The following TIAM2 variants were observed in gnomAD, a reference collection of about 807,000 sequenced individuals.
The protein encoded by TIAM2 is rho guanine nucleotide exchange factor TIAM2.
TIAM2 carries 80 observed loss-of-function variants against 152.9 expected under a neutral mutation model. The observed-to-expected ratio is 0.52, with a 90% CI of 0.44 to 0.63. The LOEUF is 0.63. TIAM2 is among the 30% of genes least tolerant of loss of function. TIAM2 has a pLI of 0.00. For synonymous variants in TIAM2, 804 were observed against 838.0 expected, an observed-to-expected ratio of 0.96 and a Z score of 0.70; for missense variants, 1,965 against 2,120.1, an observed-to-expected ratio of 0.93 and a Z score of 1.44.
chr6:155,091,285 TC>T (rs1778299082), intron 2 of TIAM2, among the ~76,000 whole-genome samples: 1 of 152,202 alleles, frequency 6.6e-6, no homozygotes, highest in Admixed American at 6.5e-5. Context: ...TATTTATGTA[TC>T]GGCTTGTTGT....
At chr6:155,035,465 C>T (rs1776905655) in intron 1 of TIAM2, among the ~76,000 whole-genome samples, 1 of 152,086 alleles carries the variant, frequency 6.6e-6, no homozygotes, top group South Asian at 2.1e-4. Flanking sequence ...AGACGATCCA[C>T]CCGTTTTAGC....
intron 21 of TIAM2, 200 bp from the exon 22 acceptor site, chr6:155,250,713 T>C (rs1002115136): frequency 1.0e-5 from 13 of 1,267,148 alleles, no homozygotes; most frequent in Non-Finnish European, 1.4e-5. Flanking sequence ...TTCACCTTTA[T>C]GTTATTCATC....
intron 7 of TIAM2, among the ~76,000 whole-genome samples, chr6:155,159,655 T>C (rs530074912): frequency 1.3e-5 from 2 of 152,270 alleles, no homozygotes; most frequent in Admixed American, 6.5e-5. Flanking sequence ...CTTGTACCTC[T>C]TCTTCCCTCT....
At chr6:155,135,010 T>C (rs935717401) in intron 4 of TIAM2, among the ~76,000 whole-genome samples, 3 of 149,036 alleles carry the variant, frequency 2.0e-5, no homozygotes, top group African/African-American at 7.4e-5. Context: ...CAGCCAGGAG[T>C]TTTTGAAAAG....
intron 1 of TIAM2, among the ~76,000 whole-genome samples, chr6:155,065,587 G>A (rs972476719): frequency 6.6e-6 from 1 of 152,004 alleles, no homozygotes; most frequent in Non-Finnish European, 1.5e-5. Context: ...AGACCAGCCT[G>A]GCCAACGTGG....
chr6:155,176,844 C>A lies in TIAM2; in HGVS notation c.2390C>A (p.Ser797Ter). The change falls in exon 10 of 27, where the codon TCA becomes TAA. Residue 797 changes from serine (S) to a stop codon, truncating the protein, a stop_gained. Coordinates refer to ENST00000682666, the MANE Select transcript of TIAM2 (RefSeq NM_012454.4). LOFTEE classifies it high-confidence loss of function. ...GATGAACTTCTGCATATATATGGTTCAACAGTAGACGGTGTTCCCCGAGAC... is the reference window on the plus strand; with the variant it reads ...GATGAACTTCTGCATATATATGGTTAAACAGTAGACGGTGTTCCCCGAGAC... ...QVDELLHIYG[S>*]TVDGVPRDNA... The A allele has an allele frequency of 6.2e-7, 1 of 1,613,546 alleles. No individual in the cohort carries two copies. The highest frequency in any genetic ancestry group is 1.1e-5 in the South Asian group (1 of 90,988).
chr6:155,147,996 G>T, intron 6 of TIAM2, 114 bp from the exon 7 acceptor site: 1 of 984,496 alleles, frequency 1.0e-6, no homozygotes, highest in Non-Finnish European at 1.6e-6. Context: ...TAAGCAGCTT[G>T]TATGCAGTGC....
chr6:155,122,621 A>G (rs1247122268), intron 2 of TIAM2, among the ~76,000 whole-genome samples: 1 of 152,166 alleles, frequency 6.6e-6, no homozygotes, highest in East Asian at 1.9e-4. Context: ...TAATTATAAA[A>G]AAGTTTGTAC....
intron 25 of TIAM2, 118 bp downstream of exon 25, chr6:155,254,178 C>A: frequency 3.3e-6 from 4 of 1,200,578 alleles, no homozygotes; most frequent in South Asian, 1.5e-5. Context: ...TACTCCCCAC[C>A]CTCCGAAAAA....
intron 1 of TIAM2, among the ~76,000 whole-genome samples, chr6:155,060,915 C>CA (rs561739069): frequency 1.2e-3 from 187 of 152,288 alleles, no homozygotes; most frequent in Middle Eastern, 3.4e-3. Flanking sequence ...CAAACCAAAA[C>CA]AAAATCCCAC....
At chr6:155,147,705 G>A (rs1475914649) in intron 6 of TIAM2, among the ~76,000 whole-genome samples, 3 of 152,092 alleles carry the variant, frequency 2.0e-5, no homozygotes, top group Non-Finnish European at 2.9e-5. Context: ...GGCTGGTCTC[G>A]AACTCCTGAC....
At chr6:155,005,225 C>T in intron 1 of TIAM2, 1 of 228,196 alleles carries the variant, frequency 4.4e-6, no homozygotes. Flanking sequence ...TGTCTTTCCA[C>T]AATAAAAATG....
chr6:155,029,510 ATAC>A (rs1321581025), intron 1 of TIAM2, among the ~76,000 whole-genome samples: 1 of 21,854 alleles, frequency 4.6e-5, no homozygotes, highest in Non-Finnish European at 9.4e-5. Flanking sequence ...TATATAATAT[ATAC>A]TATATATTAT....
At position 154,995,490 on chromosome 6, in the gene TIAM2, G is replaced by A. The variant is rs1384546205; in HGVS notation, c.-211G>A. ...CCCCACCGAGCCCGGCGCGCGACCC[G>A]AGGTAAGGGGCGCCCGGGTGAGGGC... On this transcript the variant is annotated splice_region_variant and 5_prime_UTR_variant, in exon 1 of 27. Coordinates refer to ENST00000682666, the MANE Select transcript of TIAM2 (RefSeq NM_012454.4). This position sits in a 1 kb window ranked among gnomAD's most constrained non-coding sequence, Gnocchi z 5.2. 6.6e-6 allele frequency: 1 copy of A among 150,926 alleles called. No individual in the cohort carries two copies. The highest frequency in any genetic ancestry group is 1.5e-5 in the Non-Finnish European group (1 of 67,658). 9.3% of individuals were successfully genotyped at this position (150,926 alleles called of 1,614,324 possible).
chr6:155,078,409 G>A (rs1777999755), intron 1 of TIAM2, among the ~76,000 whole-genome samples: 1 of 152,128 alleles, frequency 6.6e-6, no homozygotes, highest in South Asian at 2.1e-4. Flanking sequence ...GCCAGCATTA[G>A]GCATCCTTAT....
At chr6:155,061,468 G>A (rs1291075793) in intron 1 of TIAM2, among the ~76,000 whole-genome samples, 3 of 151,090 alleles carry the variant, frequency 2.0e-5, no homozygotes, top group Non-Finnish European at 2.9e-5. Flanking sequence ...CCCGCTTTTC[G>A]TATTTATAAC....
In TIAM2 at chr6:155,257,078, G is replaced by C; in HGVS notation, c.5063G>C (p.Ser1688Thr). The change falls in exon 27 of 27, where the codon AGT becomes ACT. Residue 1688 changes from serine (S) to threonine (T), a missense_variant. Ser to Thr is a moderately conservative substitution (Grantham distance 58, BLOSUM62 1). This residue lies in a region of TIAM2 where 935 missense variants were observed against 980.0 expected (regional missense o/e 0.95). Coordinates refer to ENST00000682666, the MANE Select transcript of TIAM2 (RefSeq NM_012454.4). ...FSVQSLTSVVSEECFYETESH... is the reference protein window; with the variant it reads ...FSVQSLTSVVTEECFYETESH... ...GTCCAGAGTTTAACATCTGTTGTCA[G>C]TGAGGAGTGTTTTTATGAAACAGAG... is the stretch of plus-strand genomic sequence containing the variant. 1 of 1,613,064 alleles carries C rather than the reference G, an allele frequency of 6.2e-7. No individual in the cohort carries two copies. Among genetic ancestry groups the C allele is most frequent in the South Asian group, 1.1e-5 (1 of 91,052 alleles).
At position 155,142,839 on chromosome 6, in the gene TIAM2, C is replaced by T. The variant is rs79640205; in HGVS notation, c.1631-1767C>T. ...AGTACCATGGAGGGAGAAAGTACTGCTTCCGAAGTCCAAGCTTGGAGCAGG... is the reference window on the plus strand; with the variant it reads ...AGTACCATGGAGGGAGAAAGTACTGTTTCCGAAGTCCAAGCTTGGAGCAGG... On this transcript the variant is annotated intron_variant, in intron 5 of 26. Coordinates refer to ENST00000682666, the MANE Select transcript of TIAM2 (RefSeq NM_012454.4). 3.7e-3 allele frequency among the ~76,000 whole-genome samples: 569 copies of T among 152,362 alleles called. 3 individuals carry two copies. The highest frequency in any genetic ancestry group is 0.017 in the East Asian group (88 of 5,194).
chr6:155,054,604 C>G (rs1424611314), intron 1 of TIAM2, among the ~76,000 whole-genome samples: 1 of 150,976 alleles, frequency 6.6e-6, no homozygotes, highest in Non-Finnish European at 1.5e-5. Flanking sequence ...TTTTTTGAGA[C>G]GGAGTCTCAC....
Sources: allele counts gnomAD v4.1 joint callset (sites outside exome capture counted in the v4.1 genomes callset), GRCh38; gene constraint gnomAD v4.1.1; regional missense constraint gnomAD v4.1.1; non-coding constraint Gnocchi (gnomAD v3.1); transcripts MANE v1.5; gene names NCBI Gene and HGNC (gene_info 2026-07-23, HGNC 2026-07-21).